Variants in SNX13 observed in about 807,000 individuals in gnomAD.
SNX13 encodes sorting nexin-13.
SNX13 carries 45 observed loss-of-function variants against 133.6 expected under a neutral mutation model. The ratio of observed to expected loss-of-function variants is 0.34; its 90% CI spans 0.27 to 0.43. The LOEUF (loss-of-function observed/expected upper bound fraction) is 0.43, where lower values mean the gene tolerates loss of function less well. Among genes scored for constraint, SNX13 ranks in the 20% least tolerant of loss-of-function variants. The pLI, the probability that SNX13 is intolerant of heterozygous loss-of-function variation, is 1.00. For synonymous variants in SNX13, 414 were observed against 373.9 expected, an observed-to-expected ratio of 1.11 and a Z score of -1.24; for missense variants, 1,032 against 1,145.1, an observed-to-expected ratio of 0.90 and a Z score of 1.43.
At chr7:17,825,280 TA>T (rs1787774052) in intron 17 of SNX13, among the ~76,000 whole-genome samples, 1 of 148,650 alleles carries the variant, frequency 6.7e-6, no homozygotes, top group African/African-American at 2.4e-5. Flanking sequence ...TAGACTAGAC[TA>T]GACTAGACTA....
intron 5 of SNX13, among the ~76,000 whole-genome samples, chr7:17,883,849 T>C (rs1795660518): frequency 6.6e-6 from 1 of 152,188 alleles, no homozygotes; most frequent in Non-Finnish European, 1.5e-5. Context: ...GTTAGTTTGC[T>C]GAGAATGATG....
chr7:17,842,420 G>A (rs570147388), intron 12 of SNX13, among the ~76,000 whole-genome samples: 1 of 152,100 alleles, frequency 6.6e-6, no homozygotes, highest in Non-Finnish European at 1.5e-5. Flanking sequence ...AGCAAAGGAA[G>A]CATCTTACCA....
At chr7:17,831,821 T>G (rs2128309599) in intron 15 of SNX13, 8 of 982,698 alleles carry the variant, frequency 8.1e-6, no homozygotes, top group Non-Finnish European at 9.7e-6. Flanking sequence ...GATTAAATAA[T>G]CATATAAAAA....
intron 8 of SNX13, among the ~76,000 whole-genome samples, chr7:17,872,601 C>T (rs1266956343): frequency 6.6e-6 from 1 of 152,140 alleles, no homozygotes; most frequent in Non-Finnish European, 1.5e-5. Flanking sequence ...CTTTCTATTA[C>T]TTCACATAAG....
At chr7:17,933,325 T>C (rs967724617) in intron 1 of SNX13, among the ~76,000 whole-genome samples, 7 of 152,196 alleles carry the variant, frequency 4.6e-5, no homozygotes, top group African/African-American at 1.7e-4. Context: ...GGGCGGAACA[T>C]GACGTCAGGA....
intron 3 of SNX13, among the ~76,000 whole-genome samples, chr7:17,892,494 T>G (rs144328881): frequency 0.011 from 1,596 of 150,594 alleles, 23 homozygotes; most frequent in South Asian, 0.028. Context: ...TTCCTAAGAC[T>G]TATAAGTAAA....
chr7:17,838,313 G>A (rs1789396009), intron 13 of SNX13, among the ~76,000 whole-genome samples: 1 of 151,850 alleles, frequency 6.6e-6, no homozygotes, highest in African/African-American at 2.4e-5. Context: ...TTTCTGTAGG[G>A]TCAGGGTTCA....
chr7:17,796,934 G>A lies in SNX13; in HGVS notation c.2519C>T (p.Ala840Val). The change falls in exon 25 of 26, where the codon GCA (alanine) becomes GTA (valine). Residue 840 changes from alanine to valine, a missense_variant. Ala to Val is a moderately conservative substitution (Grantham distance 64). Coordinates refer to ENST00000428135, the MANE Select transcript of SNX13 (RefSeq NM_015132.5). The stretch of plus-strand genomic sequence containing the variant: ...TGCTAAAATGCCATTTGGCCAAAAT[G>A]CATCTCTATTTGAGAAGATTAAATA... Reference protein sequence around the residue: ...VADSVKRFRDAFWPNGILAEA... With the variant: ...VADSVKRFRDVFWPNGILAEA... 6.2e-7 allele frequency: 1 copy of A among 1,600,854 alleles called. No individual in the cohort carries two copies.
At chr7:17,906,427 T>C (rs957752821) in intron 1 of SNX13, among the ~76,000 whole-genome samples, 7 of 152,080 alleles carry the variant, frequency 4.6e-5, no homozygotes, top group Non-Finnish European at 1.0e-4. Context: ...TAAATATATA[T>C]AAAATATGTA....
intron 12 of SNX13, among the ~76,000 whole-genome samples, chr7:17,843,828 C>A (rs1022135191): frequency 9.9e-5 from 15 of 151,866 alleles, no homozygotes; most frequent in African/African-American, 3.6e-4. Context: ...CCTACTTATC[C>A]TCTGAAAACA....
chr7:17,860,967 T>G (rs1386411291), intron 9 of SNX13, among the ~76,000 whole-genome samples: 1 of 152,204 alleles, frequency 6.6e-6, no homozygotes, highest in African/African-American at 2.4e-5. Flanking sequence ...GCAGTATGGC[T>G]GTCTTTACAA....
rs1351831023 is a variant in SNX13, at chr7:17,907,718, A to G, written c.13-10272T>C. On this transcript the variant is annotated intron_variant, in intron 1 of 25. Transcript: ENST00000428135. ...TGAGTCCAAGACATGATATCTCAAC[A>G]TAATTTTACTGCCATTTTGATTAAA... is the stretch of plus-strand genomic sequence containing the variant. Among the ~76,000 whole-genome samples, 4 of 152,194 alleles carry G rather than the reference A, an allele frequency of 2.6e-5. No individual in the cohort carries two copies. In the South Asian group the frequency reaches 8.3e-4, roughly 32 times the overall value.
At chr7:17,817,025 C>A (rs185454957) in intron 18 of SNX13, among the ~76,000 whole-genome samples, 1 of 152,228 alleles carries the variant, frequency 6.6e-6, no homozygotes, top group Admixed American at 6.5e-5. Context: ...CGTGTATACA[C>A]AATTATAATA....
At position 17,834,840 on chromosome 7, in the gene SNX13, T is replaced by C; in HGVS notation, c.1385A>G (p.Asp462Gly). The change falls in exon 14 of 26, where the codon GAC becomes GGC. Residue 462 changes from aspartate to glycine, a missense_variant. Coordinates refer to ENST00000428135, the MANE Select transcript of SNX13 (RefSeq NM_015132.5). ...ATCTGCTAATTTTGCTACTAAATAG[T>C]CATCAACAGTAACTCTTGGAGATGC... ...EKASPRVTVD[D>G]YLVAKLADTL... is the part of the protein sequence containing the mutation. 1 of 1,608,134 alleles carries C rather than the reference T, an allele frequency of 6.2e-7. No homozygotes were observed. The highest frequency in any genetic ancestry group is 8.5e-7 in the Non-Finnish European group (1 of 1,176,050).
chr7:17,928,939 T>C (rs1327217683), intron 1 of SNX13, among the ~76,000 whole-genome samples: 1 of 152,180 alleles, frequency 6.6e-6, no homozygotes, highest in African/African-American at 2.4e-5. Context: ...GAAAAAAGTA[T>C]ATAAACCATT....
rs868469331 is a variant in SNX13, at chr7:17,826,054, G to A, written c.1673C>T (p.Ser558Leu). The A allele has an allele frequency of 6.4e-7, 1 of 1,559,202 alleles. No individual in the cohort carries two copies. Among genetic ancestry groups the A allele is most frequent in the Non-Finnish European group, 8.7e-7 (1 of 1,150,224 alleles). The change falls in exon 17 of 26, where the codon TCA becomes TTA. Residue 558 changes from serine to leucine, a missense_variant. By Grantham distance (145) the Ser-to-Leu change is moderately radical. Transcript: ENST00000428135. Reference protein sequence around the residue: ...DDLSNVSSDDSVQLHAYISDT... With the variant: ...DDLSNVSSDDLVQLHAYISDT... ...TGAAATGTAGGCATGAAGTTGTACT[G>A]AGTCATCAGAAGAAACATTTGAAAG...
chr7:17,810,015 C>T (rs1224195718), intron 20 of SNX13, among the ~76,000 whole-genome samples: 1 of 151,898 alleles, frequency 6.6e-6, no homozygotes, highest in African/African-American at 2.4e-5. Flanking sequence ...CATGAGAAAG[C>T]AGGAAAGATC....
chr7:17,814,113 A>G lies in SNX13; in HGVS notation c.2064+721T>C, dbSNP rs535310742. On this transcript the variant is annotated intron_variant, in intron 20 of 25. Coordinates refer to ENST00000428135, the MANE Select transcript of SNX13 (RefSeq NM_015132.5). The stretch of plus-strand genomic sequence containing the variant: ...TCCTGCTCCTATTGCTATTATTACT[A>G]AGAGCAAACATTTATTCAGAGGTTT... Among the ~76,000 whole-genome samples the G allele has an allele frequency of 2.0e-5, 3 of 152,320 alleles. No homozygotes were observed. In the East Asian group the frequency reaches 5.8e-4, roughly 29 times the overall value.
At chr7:17,870,248 G>A (rs1282936876) in intron 8 of SNX13, among the ~76,000 whole-genome samples, 1 of 152,062 alleles carries the variant, frequency 6.6e-6, no homozygotes, top group Non-Finnish European at 1.5e-5. Context: ...GAAAGTAGAG[G>A]CAATTAAATA....
Sources: gnomAD v4.1 joint callset for allele counts (sites outside exome capture counted in the v4.1 genomes callset) on GRCh38, gnomAD v4.1.1 for gene constraint, MANE v1.5 for transcripts, NCBI Gene and HGNC (gene_info 2026-07-23, HGNC 2026-07-21) for gene names.